ADAM32: variants seen among roughly 807,000 people sequenced by gnomAD.
ADAM32 encodes the protein ADAM metallopeptidase domain 32, also known as disintegrin and metalloproteinase domain-containing protein 32.
Under a neutral mutation model 114.9 loss-of-function variants are expected in ADAM32, and 89 were observed. The ratio of observed to expected loss-of-function variants is 0.77; its 90% CI spans 0.65 to 0.92. The LOEUF (loss-of-function observed/expected upper bound fraction) is 0.92, where lower values mean the gene tolerates loss of function less well. Ranked by LOEUF, ADAM32 falls within the 40% of genes least tolerant of loss-of-function variation. The pLI is 0.00. For synonymous variants in ADAM32, 285 were observed against 307.5 expected, an observed-to-expected ratio of 0.93 and a Z score of 0.77; for missense variants, 870 against 932.8, an observed-to-expected ratio of 0.93 and a Z score of 0.88.
rs1387867453 is a variant in ADAM32 at position 39,211,269 on chromosome 8, T to C, written c.1178T>C (p.Val393Ala). ...PQMQKKSPKP[V>A]CGNGRLEGNE... ...ATGCAAAAAAAATCTCCGAAACCAG[T>C]CTGTGGCAATGGCAGATTGGAGGGA... Residue 393 changes from valine to alanine, a missense_variant, in exon 12 of 25, where the codon GTC becomes GCC. By Grantham distance (64) the Val-to-Ala change is moderately conservative. Transcript: ENST00000379907. The C allele has an allele frequency of 6.3e-7, 1 of 1,598,284 alleles. No individual in the cohort carries two copies. The highest frequency in any genetic ancestry group is 8.5e-7 in the Non-Finnish European group (1 of 1,172,392).
At chr8:39,246,006 T>C (rs1282150371) in intron 16 of ADAM32, 77 bp from the exon 17 acceptor site, 5 of 1,140,826 alleles carry the variant, frequency 4.4e-6, no homozygotes, top group Admixed American at 3.7e-5. Context: ...TTTTATATCA[T>C]ATAATTATTT....
intron 11 of ADAM32, among the ~76,000 whole-genome samples, chr8:39,201,502 G>C (rs558927396): frequency 3.9e-5 from 6 of 152,166 alleles, no homozygotes; most frequent in Non-Finnish European, 7.4e-5. Flanking sequence ...TGCTGAAGTT[G>C]CTTATCCGCT....
intron 1 of ADAM32, 50 bp downstream of exon 1, chr8:39,107,883 G>A (rs1215272163): frequency 1.4e-6 from 2 of 1,480,228 alleles, no homozygotes; most frequent in Middle Eastern, 1.8e-4. Context: ...TCACACTGCG[G>A]CCCGACTCCC....
At chr8:39,236,901 A>G (rs1050391945) in intron 16 of ADAM32, among the ~76,000 whole-genome samples, 5 of 152,188 alleles carry the variant, frequency 3.3e-5, no homozygotes, top group African/African-American at 1.2e-4. Flanking sequence ...GCGTGTGGAG[A>G]CTCACATTAT....
At chr8:39,182,863 C>T (rs1304240657) in intron 10 of ADAM32, among the ~76,000 whole-genome samples, 2 of 152,176 alleles carry the variant, frequency 1.3e-5, no homozygotes, top group African/African-American at 2.4e-5. Context: ...TGGTAACAGA[C>T]CTTTACTTTT....
chr8:39,215,723 T>C (rs1032536818), intron 12 of ADAM32, among the ~76,000 whole-genome samples: 6 of 152,112 alleles, frequency 3.9e-5, no homozygotes, highest in African/African-American at 1.4e-4. Flanking sequence ...ATTCGTTTCT[T>C]GTTTTATTGC....
intron 1 of ADAM32, among the ~76,000 whole-genome samples, chr8:39,117,119 T>C (rs565525716): frequency 2.2e-4 from 33 of 152,112 alleles, no homozygotes; most frequent in African/African-American, 7.7e-4. Flanking sequence ...CCTGACCTTG[T>C]GATCCACCTG....
At chr8:39,163,806 G>A (rs1373230959) in intron 7 of ADAM32, among the ~76,000 whole-genome samples, 3 of 152,116 alleles carry the variant, frequency 2.0e-5, no homozygotes, top group East Asian at 1.9e-4. Context: ...GAAGGAAGAC[G>A]ATGAGTTTAG....
intron 23 of ADAM32, 74 bp from the exon 24 acceptor site, chr8:39,283,512 A>T (rs1188220871): frequency 1.6e-6 from 2 of 1,249,032 alleles, no homozygotes; most frequent in Admixed American, 4.8e-5. Context: ...AAATTGCCAT[A>T]ACAAATAAAT....
chr8:39,232,431 T>TCAC (rs1368538707), intron 15 of ADAM32, among the ~76,000 whole-genome samples: 3 of 152,160 alleles, frequency 2.0e-5, no homozygotes, highest in Admixed American at 6.6e-5. Flanking sequence ...CCCACTTGGT[T>TCAC]ACTTGCCTAA....
chr8:39,184,948 C>T (rs1274134283), intron 10 of ADAM32, among the ~76,000 whole-genome samples: 1 of 152,126 alleles, frequency 6.6e-6, no homozygotes, highest in Non-Finnish European at 1.5e-5. Context: ...TGCCGCATGG[C>T]CTGTAACACT....
intron 20 of ADAM32, among the ~76,000 whole-genome samples, chr8:39,273,176 A>G (rs1309171126): frequency 6.6e-6 from 1 of 152,006 alleles, no homozygotes; most frequent in African/African-American, 2.4e-5. Flanking sequence ...TTTTCTTTAA[A>G]TAAGCAAAAG....
At chr8:39,207,866 C>T (rs1261774919) in intron 11 of ADAM32, among the ~76,000 whole-genome samples, 1 of 152,134 alleles carries the variant, frequency 6.6e-6, no homozygotes, top group African/African-American at 2.4e-5. Flanking sequence ...AACATAATGT[C>T]CTCCTGCTCC....
Position 39,186,909 on chromosome 8 carries a change from T to C in ADAM32, c.916T>C (p.Tyr306His). The C allele has an allele frequency of 1.3e-6, 2 of 1,588,424 alleles. No individual in the cohort carries two copies. Among genetic ancestry groups the C allele is most frequent in the Non-Finnish European group, 1.7e-6 (2 of 1,169,874 alleles). The change falls in exon 11 of 25, where the codon TAC becomes CAC. Residue 306 changes from tyrosine (Y) to histidine (H), a missense_variant and splice_region_variant. Transcript: ENST00000379907. ...AGAATTTTCTTTGTTGTTATTATAG[T>C]ACCCCAAGGAGATAACTCTGGAGGC... ...ITRYSAGVAL[Y>H]PKEITLEAFA...
chr8:39,138,359 T>A (rs1802932988), intron 3 of ADAM32, among the ~76,000 whole-genome samples: 1 of 151,328 alleles, frequency 6.6e-6, no homozygotes, highest in African/African-American at 2.4e-5. Flanking sequence ...GTGTGTGACA[T>A]CCCCTGCCCT....
At chr8:39,129,812 G>T in intron 2 of ADAM32, 5 of 307,348 alleles carry the variant, frequency 1.6e-5, no homozygotes, top group South Asian at 2.7e-5. Context: ...TTTCTTTTTG[G>T]GAAGATTTAT....
intron 2 of ADAM32, among the ~76,000 whole-genome samples, chr8:39,128,091 G>A (rs949943305): frequency 6.6e-5 from 10 of 151,954 alleles, no homozygotes; most frequent in African/African-American, 2.2e-4. Context: ...TTTCTGTTTC[G>A]ATGATCTGTC....
At position 39,275,891 on chromosome 8, in the gene ADAM32, T is replaced by G. The variant is rs776501664; in HGVS notation, c.2279+25T>G. On this transcript the variant is annotated intron_variant, in intron 22 of 24. Transcript: ENST00000379907. ...AGTAAGTGAATTAGGGGGCATTTTT[T>G]TTATATAATAAGTATATGTTAAAAA... is the stretch of plus-strand genomic sequence containing the variant. 3.9e-5 allele frequency: 60 copies of G among 1,532,376 alleles called. No homozygotes were observed. In the Middle Eastern group the frequency reaches 5.4e-4, roughly 14 times the overall value. 94.9% of individuals were successfully genotyped at this position (1,532,376 alleles called of 1,614,324 possible).
chr8:39,123,647 T>C (rs992160265), intron 2 of ADAM32, among the ~76,000 whole-genome samples: 2 of 152,158 alleles, frequency 1.3e-5, no homozygotes, highest in Non-Finnish European at 1.5e-5. Context: ...ACATGTATGA[T>C]ACTTTCATTT....
Sources: allele counts gnomAD v4.1 joint callset (sites outside exome capture counted in the v4.1 genomes callset), GRCh38; gene constraint gnomAD v4.1.1; transcripts MANE v1.5; gene names NCBI Gene and HGNC (gene_info 2026-07-23, HGNC 2026-07-21).